INPP4B: variants seen among roughly 807,000 people sequenced by gnomAD.
The protein encoded by INPP4B is inositol polyphosphate 4-phosphatase type II.
A neutral mutation model predicts 122.5 loss-of-function variants in INPP4B; 55 were observed. The observed-to-expected ratio is 0.45, with a 90% CI of 0.36 to 0.56. INPP4B has a LOEUF of 0.56. Among genes scored for constraint, INPP4B ranks in the 20% least tolerant of loss-of-function variants. INPP4B has a pLI of 0.00. For synonymous variants in INPP4B, 403 were observed against 388.7 expected (o/e 1.04, Z -0.43); for missense variants, 1,000 against 1,097.7 (o/e 0.91, Z 1.26).
At chr4:142,614,184 C>G (rs559257145) in intron 2 of INPP4B, among the ~76,000 whole-genome samples, 1 of 152,258 alleles carries the variant, frequency 6.6e-6, no homozygotes, top group South Asian at 2.1e-4. Flanking sequence ...GGCCACTGCA[C>G]TCCAGCCAAC....
intron 1 of INPP4B, among the ~76,000 whole-genome samples, chr4:142,801,119 C>T (rs1005724471): frequency 4.6e-5 from 7 of 151,802 alleles, no homozygotes; most frequent in Admixed American, 6.6e-5. Flanking sequence ...GAAGATGAGA[C>T]ATAAAGAACA....
chr4:142,119,810 C>T (rs1422922141), intron 21 of INPP4B, among the ~76,000 whole-genome samples: 1 of 46,250 alleles, frequency 2.2e-5, no homozygotes, highest in Non-Finnish European at 8.6e-5. Context: ...CACACACACA[C>T]ACACACACAC....
intron 2 of INPP4B, among the ~76,000 whole-genome samples, chr4:142,716,763 A>G (rs1016763402): frequency 6.6e-6 from 1 of 152,194 alleles, no homozygotes; most frequent in Non-Finnish European, 1.5e-5. Flanking sequence ...TGGCATATTC[A>G]TTGTGAAACG....
At chr4:142,680,652 C>G (rs1283509551) in intron 2 of INPP4B, among the ~76,000 whole-genome samples, 1 of 151,862 alleles carries the variant, frequency 6.6e-6, no homozygotes, top group Non-Finnish European at 1.5e-5. Flanking sequence ...TTTTAAAAAG[C>G]ACCTTTCATA....
intron 9 of INPP4B, among the ~76,000 whole-genome samples, chr4:142,289,291 T>C (rs540339214): frequency 6.6e-6 from 1 of 152,380 alleles, no homozygotes; most frequent in East Asian, 1.9e-4. Flanking sequence ...TTATTTTGTA[T>C]ATTAGTTCAT....
At chr4:142,522,597 G>A (rs73850900) in intron 2 of INPP4B, among the ~76,000 whole-genome samples, 2,635 of 151,962 alleles carry the variant, frequency 0.017, 78 homozygotes, top group African/African-American at 0.06. Flanking sequence ...ATAATAAAGG[G>A]GATATCATTA....
intron 2 of INPP4B, among the ~76,000 whole-genome samples, chr4:142,557,946 C>A (rs111735703): frequency 6.6e-6 from 1 of 152,154 alleles, no homozygotes. Flanking sequence ...AACTGTTCAA[C>A]GACAAAGTCA....
At chr4:142,564,439 C>CAAAAAAAAAAA (rs199803105) in intron 2 of INPP4B, among the ~76,000 whole-genome samples, 1 of 97,930 alleles carries the variant, frequency 1.0e-5, no homozygotes, top group East Asian at 6.1e-4. Flanking sequence ...TAAGGAATGG[C>CAAAAAAAAAAA]AAAAAAAAAA....
At chr4:142,376,602 G>C (rs1471952127) in intron 7 of INPP4B, among the ~76,000 whole-genome samples, 2 of 151,894 alleles carry the variant, frequency 1.3e-5, no homozygotes, top group African/African-American at 4.8e-5. Flanking sequence ...CCCTCCTTAA[G>C]AAATTCAACT....
At chr4:142,098,111 T>C (rs999559289) in intron 23 of INPP4B, among the ~76,000 whole-genome samples, 1 of 151,948 alleles carries the variant, frequency 6.6e-6, no homozygotes, top group African/African-American at 2.4e-5. Flanking sequence ...GGCAAAGACT[T>C]AGAGGAGGTG....
intron 2 of INPP4B, among the ~76,000 whole-genome samples, chr4:142,665,836 A>G (rs545731458): frequency 6.6e-6 from 1 of 152,288 alleles, no homozygotes; most frequent in Non-Finnish European, 1.5e-5. Flanking sequence ...CCTCTTGTCC[A>G]TGAGGGCTAT....
intron 2 of INPP4B, among the ~76,000 whole-genome samples, chr4:142,607,669 T>C (rs114807558): frequency 0.012 from 1,754 of 152,274 alleles, 31 homozygotes; most frequent in African/African-American, 0.032. Context: ...TACAGATTTA[T>C]AGTACTTTCA....
chr4:142,337,952 T>G (rs1224046863), intron 7 of INPP4B, among the ~76,000 whole-genome samples: 1 of 151,604 alleles, frequency 6.6e-6, no homozygotes, highest in African/African-American at 2.4e-5. Context: ...TAATTGTATA[T>G]CTTTAAGAGA....
At chr4:142,776,974 T>C (rs1774018515) in intron 1 of INPP4B, among the ~76,000 whole-genome samples, 1 of 152,134 alleles carries the variant, frequency 6.6e-6, no homozygotes, top group Non-Finnish European at 1.5e-5. Flanking sequence ...CTGAAGCAAC[T>C]AAAAAGCAAT....
intron 2 of INPP4B, among the ~76,000 whole-genome samples, chr4:142,573,269 C>T (rs532145301): frequency 6.6e-6 from 1 of 152,200 alleles, no homozygotes; most frequent in South Asian, 2.1e-4. Flanking sequence ...TTACCCAACA[C>T]TGGACATGAG....
At chr4:142,825,087 T>C (rs1781295725) in intron 1 of INPP4B, among the ~76,000 whole-genome samples, 1 of 152,130 alleles carries the variant, frequency 6.6e-6, no homozygotes, top group South Asian at 2.1e-4. Flanking sequence ...TCAGACTTTT[T>C]TAGTAACCAT....
chr4:142,036,121 G>A (rs1159741235), intron 25 of INPP4B, among the ~76,000 whole-genome samples: 1 of 151,984 alleles, frequency 6.6e-6, no homozygotes, highest in South Asian at 2.1e-4. Context: ...GGTGCTAAAT[G>A]TTTAGCTCCC....
rs532529912 is a variant in INPP4B at position 142,809,898 on chromosome 4, G to A, written c.-254+36311C>T. Among the ~76,000 whole-genome samples the A allele has an allele frequency of 7.0e-3, 1,064 of 152,134 alleles. 12 individuals are homozygous for A. Among genetic ancestry groups the A allele is most frequent in the African/African-American group, 0.023 (959 of 41,516 alleles). Reference sequence around the variant, plus strand: ...TAAGAATTTATCATGGGCCAGGCACGGTGGCTCATGCCTGTAATCTCAGCA... The same window carrying A: ...TAAGAATTTATCATGGGCCAGGCACAGTGGCTCATGCCTGTAATCTCAGCA... On this transcript the variant is annotated intron_variant, in intron 1 of 25. Transcript: ENST00000262992.
chr4:142,720,722 A>ATATATACACATATATATATG, intron 2 of INPP4B, among the ~76,000 whole-genome samples: 1 of 81,492 alleles, frequency 1.2e-5, no homozygotes. Flanking sequence ...GTATATGTGT[A>ATATATACACATATATATATG]TATATATACA....
Sources: gnomAD v4.1 joint callset for allele counts (sites outside exome capture counted in the v4.1 genomes callset) on GRCh38, gnomAD v4.1.1 for gene constraint, MANE v1.5 for transcripts, NCBI Gene and HGNC (gene_info 2026-07-23, HGNC 2026-07-21) for gene names.